ZCWPW2: variants seen among roughly 807,000 people sequenced by gnomAD.
The protein encoded by ZCWPW2 is zinc finger CW-type and PWWP domain containing 2, also known as zinc finger CW-type PWWP domain protein 2.
Under a neutral mutation model 46.6 loss-of-function variants are expected in ZCWPW2, and 45 were observed. The ratio of observed to expected loss-of-function variants is 0.96; its 90% CI spans 0.76 to 1.24. The LOEUF is 1.24. Ranked by LOEUF, ZCWPW2 falls within the 50% of genes most tolerant of loss-of-function variation. The pLI, the probability that ZCWPW2 is intolerant of heterozygous loss-of-function variation, is 0.00. For missense variants in ZCWPW2, 429 were observed against 403.9 expected, an observed-to-expected ratio of 1.06 and a Z score of -0.53; for synonymous variants, 152 against 137.1, an observed-to-expected ratio of 1.11 and a Z score of -0.76.
At chr3:28,398,605 T>C (rs1224239650) in intron 2 of ZCWPW2, among the ~76,000 whole-genome samples, 2 of 152,072 alleles carry the variant, frequency 1.3e-5, no homozygotes, top group Non-Finnish European at 2.9e-5. Context: ...ACACCCCAAA[T>C]ACTGTGGGTG....
At chr3:28,474,804 TTTGTTGTTGTTGTTGTTGTTG>T (rs139673277) in intron 4 of ZCWPW2, among the ~76,000 whole-genome samples, 1 of 148,828 alleles carries the variant, frequency 6.7e-6, no homozygotes, top group Non-Finnish European at 1.5e-5. Flanking sequence ...GTCTGAACTA[TTTGTTGTTGTTGTTGTTGTTG>T]TTGTTGTTGT....
intron 4 of ZCWPW2, among the ~76,000 whole-genome samples, chr3:28,439,658 CA>C (rs1404385260): frequency 6.6e-6 from 1 of 152,130 alleles, no homozygotes; most frequent in Non-Finnish European, 1.5e-5. Context: ...TAACATAATA[CA>C]ACTATCCTTT....
intron 4 of ZCWPW2, among the ~76,000 whole-genome samples, chr3:28,473,243 A>T (rs1325411609): frequency 6.6e-6 from 1 of 152,186 alleles, no homozygotes; most frequent in Non-Finnish European, 1.5e-5. Context: ...TGGGAGGCCA[A>T]GGTGGTTGTA....
chr3:28,382,289 T>G (rs1414360322), intron 1 of ZCWPW2, among the ~76,000 whole-genome samples: 3 of 152,156 alleles, frequency 2.0e-5, no homozygotes, highest in Non-Finnish European at 4.4e-5. Flanking sequence ...GGGAAGGATC[T>G]GTTTCAGACC....
At chr3:28,449,803 G>A (rs1033379304) in intron 4 of ZCWPW2, among the ~76,000 whole-genome samples, 1 of 151,960 alleles carries the variant, frequency 6.6e-6, no homozygotes, top group Non-Finnish European at 1.5e-5. Context: ...GCTGATGCAT[G>A]GTATAGAATT....
intron 6 of ZCWPW2, among the ~76,000 whole-genome samples, chr3:28,493,395 C>T (rs1219176135): frequency 1.0e-4 from 10 of 97,534 alleles, no homozygotes; most frequent in South Asian, 4.2e-4. Context: ...TGAGAATATG[C>T]GGTGTTTGGT....
At chr3:28,384,610 C>CTTTTTTTTTTTTTTTTTT (rs201820223) in intron 1 of ZCWPW2, among the ~76,000 whole-genome samples, 1 of 143,528 alleles carries the variant, frequency 7.0e-6, no homozygotes, top group Non-Finnish European at 1.5e-5. Flanking sequence ...ACCAATCTTT[C>CTTTTTTTTTTTTTTTTTT]TTTCTTTTTT....
At chr3:28,487,509 A>T (rs138219547) in intron 5 of ZCWPW2, among the ~76,000 whole-genome samples, 1 of 152,216 alleles carries the variant, frequency 6.6e-6, no homozygotes, top group African/African-American at 2.4e-5. Flanking sequence ...CTGTTATTGC[A>T]TATTGTCTAC....
intron 6 of ZCWPW2, among the ~76,000 whole-genome samples, chr3:28,496,927 C>T (rs1700005784): frequency 6.6e-6 from 1 of 151,192 alleles, no homozygotes; most frequent in Non-Finnish European, 1.5e-5. Flanking sequence ...TCTAGAGCCC[C>T]TCTTCCTGGG....
chr3:28,365,290 T>G (rs1247015744), intron 1 of ZCWPW2, among the ~76,000 whole-genome samples: 1 of 141,836 alleles, frequency 7.1e-6, no homozygotes, highest in Non-Finnish European at 1.6e-5. Flanking sequence ...TGTCTAACAT[T>G]TAAGTCTTTA....
intron 4 of ZCWPW2, among the ~76,000 whole-genome samples, chr3:28,454,483 A>C (rs1398048322): frequency 6.6e-6 from 1 of 152,020 alleles, no homozygotes; most frequent in Non-Finnish European, 1.5e-5. Context: ...TTCACTTCTA[A>C]CTTTTATTTT....
At chr3:28,369,466 C>T (rs1308182555) in intron 1 of ZCWPW2, among the ~76,000 whole-genome samples, 1 of 152,186 alleles carries the variant, frequency 6.6e-6, no homozygotes, top group East Asian at 1.9e-4. Flanking sequence ...GGCTGCAGAA[C>T]AGCAGATATT....
chr3:28,369,329 G>T (rs984550615), intron 1 of ZCWPW2, among the ~76,000 whole-genome samples: 1 of 152,100 alleles, frequency 6.6e-6, no homozygotes, highest in African/African-American at 2.4e-5. Context: ...TACAGATGGG[G>T]TTTTGGTGTG....
chr3:28,409,122 C>CTTTTTTTTTTTTTTT (rs11328735), intron 2 of ZCWPW2, among the ~76,000 whole-genome samples: 2 of 82,322 alleles, frequency 2.4e-5, no homozygotes, highest in Admixed American at 1.5e-4. Context: ...TTTTCTTTTT[C>CTTTTTTTTTTTTTTT]TTTTTTTTTT....
At chr3:28,441,427 C>T (rs1372891576) in intron 4 of ZCWPW2, among the ~76,000 whole-genome samples, 1 of 152,190 alleles carries the variant, frequency 6.6e-6, no homozygotes, top group Non-Finnish European at 1.5e-5. Flanking sequence ...AGGTGCACTG[C>T]TTGAAGTTTT....
Position 28,378,801 on chromosome 3 carries a change from G to C in ZCWPW2, c.-133-11697G>C, listed in dbSNP as rs527944868. On this transcript the variant is annotated intron_variant, in intron 1 of 9. Coordinates refer to ENST00000383768, the MANE Select transcript of ZCWPW2 (RefSeq NM_001040432.4). Reference sequence around the variant, plus strand: ...GACGAGTGTTCATTTAGATGCTAGGGATAAAGCAATTAATAAGATAGATAT... The same window carrying C: ...GACGAGTGTTCATTTAGATGCTAGGCATAAAGCAATTAATAAGATAGATAT... Among the ~76,000 whole-genome samples, 5 of 152,234 alleles carry C rather than the reference G, an allele frequency of 3.3e-5. No homozygotes were observed. The South Asian group carries it at 1.0e-3, about 32-fold the overall frequency.
At chr3:28,397,610 C>T (rs557783000) in intron 2 of ZCWPW2, among the ~76,000 whole-genome samples, 6 of 152,156 alleles carry the variant, frequency 3.9e-5, no homozygotes, top group Admixed American at 1.3e-4. Context: ...GCAGAGGTTT[C>T]GGTGAGCCAA....
At chr3:28,523,006 T>G (rs1489450880) in intron 9 of ZCWPW2, among the ~76,000 whole-genome samples, 1 of 152,188 alleles carries the variant, frequency 6.6e-6, no homozygotes, top group Non-Finnish European at 1.5e-5. Context: ...AGGCACAGAA[T>G]TGACTTCTGT....
intron 2 of ZCWPW2, among the ~76,000 whole-genome samples, chr3:28,395,887 A>G (rs1695675935): frequency 6.6e-6 from 1 of 152,090 alleles, no homozygotes; most frequent in African/African-American, 2.4e-5. Context: ...TTAGGTCTTA[A>G]TTTTTCTTTT....
Sources: allele counts gnomAD v4.1 joint callset (sites outside exome capture counted in the v4.1 genomes callset), GRCh38; gene constraint gnomAD v4.1.1; transcripts MANE v1.5; gene names NCBI Gene and HGNC (gene_info 2026-07-23, HGNC 2026-07-21).